The following IL1RAPL2 variants were observed in gnomAD, a reference collection of about 807,000 sequenced individuals.
IL1RAPL2 encodes X-linked interleukin-1 receptor accessory protein-like 2.
A neutral mutation model predicts 44.1 loss-of-function variants in IL1RAPL2; 3 were observed. That is an observed-to-expected ratio of 0.07 (90% confidence interval 0.03 to 0.18). The LOEUF (loss-of-function observed/expected upper bound fraction) is 0.18. IL1RAPL2 is among the 10% of genes least tolerant of loss of function. The pLI is 1.00. For synonymous variants in IL1RAPL2, 181 were observed against 178.8 expected (o/e 1.01, Z -0.10); for missense variants, 391 against 496.4 (o/e 0.79, Z 2.02).
chrX:104,727,783 A>AT (rs761376330), intron 2 of IL1RAPL2, among the ~76,000 whole-genome samples: 43 of 109,640 alleles, frequency 3.9e-4, no homozygotes, highest in South Asian at 4.0e-4. Flanking sequence ...AGCAGAATGA[A>AT]TTTTGTTTTT....
intron 3 of IL1RAPL2, among the ~76,000 whole-genome samples, chrX:105,212,490 C>G (rs1556159381): frequency 2.7e-5 from 3 of 111,810 alleles, no homozygotes; most frequent in Non-Finnish European, 5.6e-5. Context: ...ACCCCCATCT[C>G]CCTGGGACAG....
intron 3 of IL1RAPL2, among the ~76,000 whole-genome samples, chrX:105,200,824 A>G (rs1452109812): frequency 3.1e-4 from 34 of 110,906 alleles, no homozygotes; most frequent in African/African-American, 1.1e-3. Context: ...AGGTACGAGA[A>G]TTGCTTGAAT....
At chrX:104,854,323 C>A (rs1257643348) in intron 2 of IL1RAPL2, among the ~76,000 whole-genome samples, 1 of 110,930 alleles carries the variant, frequency 9.0e-6, no homozygotes, top group South Asian at 3.8e-4. Flanking sequence ...AAAGAAAAGA[C>A]TCATTCAAAA....
At chrX:104,713,607 A>G (rs1354828527) in intron 2 of IL1RAPL2, among the ~76,000 whole-genome samples, 1 of 110,906 alleles carries the variant, frequency 9.0e-6, no homozygotes, top group Non-Finnish European at 1.9e-5. Context: ...GTGTATATAT[A>G]TATATATGTA....
chrX:105,622,484 T>C (rs1028939551), intron 6 of IL1RAPL2, among the ~76,000 whole-genome samples: 14 of 110,164 alleles, frequency 1.3e-4, no homozygotes, highest in African/African-American at 4.3e-4. Flanking sequence ...TTATAAATGG[T>C]ATGTGTTGTT....
Position 105,233,682 on chromosome X carries a change from T to G in IL1RAPL2, c.357-136T>G, listed in dbSNP as rs976729889. ...AGTCAGTTGCAGCATAAAACTGCTCTGTGTTGCTTTGATGTTTTTTTCTGA... is the reference window on the plus strand; with the variant it reads ...AGTCAGTTGCAGCATAAAACTGCTCGGTGTTGCTTTGATGTTTTTTTCTGA... On this transcript the variant is annotated intron_variant, in intron 3 of 10. Transcript: ENST00000372582. The G allele has an allele frequency of 5.7e-5, 28 of 487,635 alleles. No homozygotes were observed. The Admixed American group carries it at 6.1e-4, about 11-fold the overall frequency. The allele number at this position is 487,635 out of a possible 1,213,427, so 40.2% of individuals were successfully genotyped here.
intron 2 of IL1RAPL2, among the ~76,000 whole-genome samples, chrX:104,942,076 A>G (rs1230860126): frequency 8.9e-6 from 1 of 111,897 alleles, no homozygotes; most frequent in Non-Finnish European, 1.9e-5. Context: ...TTTTGGTACC[A>G]GTACCATGCT....
At chrX:105,471,197 A>G (rs1297990661) in intron 5 of IL1RAPL2, among the ~76,000 whole-genome samples, 1 of 111,717 alleles carries the variant, frequency 9.0e-6, no homozygotes, top group Non-Finnish European at 1.9e-5. Flanking sequence ...AATCCTAAAA[A>G]ATGGGTACTA....
intron 2 of IL1RAPL2, among the ~76,000 whole-genome samples, chrX:105,119,552 C>T (rs375942364): frequency 9.0e-6 from 1 of 111,666 alleles, no homozygotes; most frequent in Admixed American, 9.5e-5. Flanking sequence ...TGTTGTTGCA[C>T]CTATTCTGGC....
At chrX:105,425,109 A>T (rs1569439087) in intron 5 of IL1RAPL2, among the ~76,000 whole-genome samples, 1 of 111,113 alleles carries the variant, frequency 9.0e-6, no homozygotes, top group African/African-American at 3.3e-5. Context: ...GAGGAGAGAG[A>T]TTTAAATCTT....
At chrX:105,407,475 A>G (rs1343196366) in intron 5 of IL1RAPL2, among the ~76,000 whole-genome samples, 2 of 111,852 alleles carry the variant, frequency 1.8e-5, no homozygotes, top group Non-Finnish European at 3.8e-5. Flanking sequence ...CAGTATGGAT[A>G]TTTAAATTGT....
intron 6 of IL1RAPL2, among the ~76,000 whole-genome samples, chrX:105,578,572 C>A (rs1489002255): frequency 1.8e-5 from 2 of 110,957 alleles, no homozygotes; most frequent in Non-Finnish European, 3.8e-5. Flanking sequence ...AAAACCCTGA[C>A]GCAAGTGTTT....
chrX:104,824,468 G>T (rs1921396702), intron 2 of IL1RAPL2, among the ~76,000 whole-genome samples: 1 of 111,959 alleles, frequency 8.9e-6, no homozygotes, highest in Non-Finnish European at 1.9e-5. Flanking sequence ...AATAGTACCA[G>T]CTCCTCTTTG....
intron 3 of IL1RAPL2, among the ~76,000 whole-genome samples, chrX:105,223,931 G>A (rs1556185580): frequency 2.7e-5 from 3 of 111,502 alleles, no homozygotes; most frequent in African/African-American, 9.8e-5. Flanking sequence ...ATTGACAAAT[G>A]CCTTTGTGAT....
chrX:105,636,898 G>A (rs914029197), intron 6 of IL1RAPL2, among the ~76,000 whole-genome samples: 1 of 111,408 alleles, frequency 9.0e-6, no homozygotes, highest in South Asian at 3.8e-4. Context: ...TCCCCCAGGT[G>A]TCACATTACA....
At chrX:104,951,921 T>A (rs1925596328) in intron 2 of IL1RAPL2, among the ~76,000 whole-genome samples, 2 of 112,407 alleles carry the variant, frequency 1.8e-5, no homozygotes, top group African/African-American at 6.5e-5. Context: ...TTATCTGGCA[T>A]TGATCTTTGA....
At chrX:105,444,194 A>AT (rs1388394644) in intron 5 of IL1RAPL2, among the ~76,000 whole-genome samples, 3 of 111,209 alleles carry the variant, frequency 2.7e-5, no homozygotes, top group Non-Finnish European at 3.8e-5. Flanking sequence ...AGATTCTTAG[A>AT]TTTTTTTCCT....
At chrX:105,365,936 C>G (rs2035290774) in intron 5 of IL1RAPL2, among the ~76,000 whole-genome samples, 1 of 108,267 alleles carries the variant, frequency 9.2e-6, no homozygotes, top group Non-Finnish European at 1.9e-5. Context: ...ACCACCAGAC[C>G]TGGCTAATTT....
Position 104,644,618 on chromosome X carries a change from C to T in IL1RAPL2, c.-19-14277C>T, listed in dbSNP as rs936446697. ...TGTGTTTTCTTTCTTTTCGACCATT[C>T]CCCCTTTTCTGGCTTCTTTCCCTAA... is the stretch of plus-strand genomic sequence containing the variant. On this transcript the variant is annotated intron_variant, in intron 1 of 10. Coordinates refer to ENST00000372582, the MANE Select transcript of IL1RAPL2 (RefSeq NM_017416.2). Among the ~76,000 whole-genome samples the T allele has an allele frequency of 2.7e-5, 3 of 110,850 alleles. No individual in the cohort carries two copies. The South Asian group carries it at 1.1e-3, about 42-fold the overall frequency.
Sources: gnomAD v4.1 joint callset for allele counts (sites outside exome capture counted in the v4.1 genomes callset) on GRCh38, gnomAD v4.1.1 for gene constraint, MANE v1.5 for transcripts, NCBI Gene and HGNC (gene_info 2026-07-23, HGNC 2026-07-21) for gene names.